Variants in PDE10A observed in about 807,000 individuals in gnomAD.
The protein encoded by PDE10A is cAMP and cAMP-inhibited cGMP 3',5'-cyclic phosphodiesterase 10A.
PDE10A carries 39 observed loss-of-function variants against 97.7 expected under a neutral mutation model. The observed-to-expected ratio is 0.40, with a 90% CI of 0.31 to 0.52. PDE10A has a LOEUF of 0.52. PDE10A is among the 20% of genes least tolerant of loss of function. The probability of loss-of-function intolerance (pLI) is 0.56; values close to 1 mark genes in which losing one functional copy is unlikely to be tolerated. For missense variants in PDE10A, 731 were observed against 1,047.8 expected (o/e 0.70, Z 4.17); for synonymous variants, 371 against 376.8 (o/e 0.98, Z 0.18).
intron 1 of PDE10A, among the ~76,000 whole-genome samples, chr6:165,734,052 A>G (rs968500182): frequency 2.6e-5 from 4 of 152,150 alleles, no homozygotes; most frequent in Admixed American, 6.5e-5. Flanking sequence ...TGGAACCAGG[A>G]CTCCAGAAGG....
At chr6:165,387,260 G>A (rs1163593565) in intron 17 of PDE10A, among the ~76,000 whole-genome samples, 6 of 152,260 alleles carry the variant, frequency 3.9e-5, no homozygotes, top group East Asian at 3.9e-4. Flanking sequence ...AAGATAATTC[G>A]AAGAGCACCC....
In PDE10A at chr6:165,875,731, G is replaced by GTTTTTTTTTT. The variant is rs748111095; in HGVS notation, c.-615+111788_-615+111797dup. Among the ~76,000 whole-genome samples, 87 of 46,862 alleles carry GTTTTTTTTTT rather than the reference G, an allele frequency of 1.9e-3. 2 individuals carry two copies. The highest frequency in any genetic ancestry group is 6.3e-3 in the African/African-American group (81 of 12,764). 30.7% of individuals were successfully genotyped at this position (46,862 alleles called of 152,430 possible). On this transcript the variant is annotated intron_variant, in intron 1 of 19. Coordinates refer to the PDE10A transcript ENST00000366882. ...CTGATAGGACTTATTTTCTTTTACT[G>GTTTTTTTTTT]TTTTTTTTTTTTTTTTGTGTGTGTG...
rs1000699476 is a variant in PDE10A, at chr6:165,327,637, T to C, written c.*5388A>G. On this transcript the variant is annotated 3_prime_UTR_variant, in exon 22 of 22. Transcript: ENST00000539869. ...AAATTACACACATGTACAATATTTA[T>C]AATTTATAAATGCAAAGTTAAGACC... The C allele has an allele frequency of 6.6e-6, 1 of 152,250 alleles. No homozygotes were observed. The highest frequency in any genetic ancestry group is 2.4e-5 in the African/African-American group (1 of 41,480). 9.4% of individuals were successfully genotyped at this position (152,250 alleles called of 1,614,324 possible). A position where few individuals can be genotyped will look rare whatever the true frequency, so the allele number is the denominator to read the frequency against.
At position 165,942,301 on chromosome 6, in the gene PDE10A, T is replaced by TAC. The variant is rs1362752879; in HGVS notation, c.-615+45227_-615+45228insGT. Reference sequence around the variant, plus strand: ...GTATGTATGTGTGTGTATATATATATATACACACACATATATGCGCACACA... The same window carrying TAC: ...GTATGTATGTGTGTGTATATATATATACATACACACACATATATGCGCACACA... On this transcript the variant is annotated intron_variant, in intron 1 of 19. Transcript: ENST00000366882. Among the ~76,000 whole-genome samples the TAC allele has an allele frequency of 1.4e-3, 173 of 123,130 alleles. 2 individuals carry two copies. The highest frequency in any genetic ancestry group is 5.8e-3 in the African/African-American group (156 of 26,856). 80.8% of individuals were successfully genotyped at this position (123,130 alleles called of 152,430 possible). A position where few individuals can be genotyped will look rare whatever the true frequency, so the allele number is the denominator to read the frequency against.
At chr6:165,625,024 T>C (rs1448841261) in intron 1 of PDE10A, among the ~76,000 whole-genome samples, 1 of 152,022 alleles carries the variant, frequency 6.6e-6, no homozygotes, top group Non-Finnish European at 1.5e-5. Flanking sequence ...CAAGGGGAAG[T>C]GTGTTTGGTG....
chr6:165,782,177 G>T (rs77507717), intron 1 of PDE10A, among the ~76,000 whole-genome samples: 6,013 of 152,274 alleles, frequency 0.039, 386 homozygotes, highest in African/African-American at 0.14. Flanking sequence ...CACAAAGTTA[G>T]CGTGTAGCTC....
At chr6:165,787,292 C>T (rs1583088737) in intron 1 of PDE10A, among the ~76,000 whole-genome samples, 1 of 152,198 alleles carries the variant, frequency 6.6e-6, no homozygotes, top group East Asian at 1.9e-4. Context: ...ATAGTGAATG[C>T]TTTACAAGAA....
chr6:165,343,636 C>T, intron 18 of PDE10A, 134 bp from the exon 19 acceptor site: 2 of 658,152 alleles, frequency 3.0e-6, no homozygotes. Flanking sequence ...AAGTGACAGC[C>T]AGGACAGTAA....
intron 1 of PDE10A, among the ~76,000 whole-genome samples, chr6:165,956,443 C>G (rs1372072692): frequency 6.6e-6 from 1 of 152,116 alleles, no homozygotes; most frequent in Non-Finnish European, 1.5e-5. Context: ...TTACTAGTAT[C>G]TCTAAAAACT....
intron 1 of PDE10A, among the ~76,000 whole-genome samples, chr6:165,863,418 G>T (rs1780959118): frequency 6.6e-6 from 1 of 152,166 alleles, no homozygotes; most frequent in South Asian, 2.1e-4. Context: ...TCACTAGAAA[G>T]AAGCATTCAA....
At chr6:165,487,414 T>C (rs1779984043) in intron 2 of PDE10A, among the ~76,000 whole-genome samples, 1 of 152,198 alleles carries the variant, frequency 6.6e-6, no homozygotes, top group Admixed American at 6.5e-5. Context: ...CCACTAATTC[T>C]ACATCATGGT....
At chr6:165,467,810 A>G (rs1223516401) in intron 3 of PDE10A, among the ~76,000 whole-genome samples, 1 of 152,210 alleles carries the variant, frequency 6.6e-6, no homozygotes, top group Non-Finnish European at 1.5e-5. Flanking sequence ...ATGAACCCCA[A>G]TGTTCTACTG....
intron 1 of PDE10A, among the ~76,000 whole-genome samples, chr6:165,595,221 T>C (rs1408592512): frequency 6.6e-6 from 1 of 152,166 alleles, no homozygotes; most frequent in Admixed American, 6.5e-5. Context: ...CATCCTTTGC[T>C]AGCCTACTTG....
chr6:165,781,708 G>C (rs1200492988), intron 1 of PDE10A: 1 of 152,480 alleles, frequency 6.6e-6, no homozygotes, highest in Non-Finnish European at 1.5e-5. Context: ...GTCTACAGTA[G>C]AGGAAGTTCA....
chr6:165,828,110 G>A (rs1161384312), intron 1 of PDE10A, among the ~76,000 whole-genome samples: 2 of 152,178 alleles, frequency 1.3e-5, no homozygotes, highest in Non-Finnish European at 2.9e-5. Flanking sequence ...ATCAAAATGA[G>A]TACCAAGACG....
Position 165,543,480 on chromosome 6 carries a change from T to C in PDE10A, c.954A>G (p.Thr318=). ...EFVSESVSAE[T]VEKWLKRKNN... ...TCTTCCTCTTCAGCCATTTCTCTAC[T>C]GTCTCTGCACTAACACTTTCAGATA... is the stretch of plus-strand genomic sequence containing the variant. Residue 318 remains threonine, a synonymous_variant, in exon 2 of 22, where the codon ACA becomes ACG. Transcript: ENST00000539869. 3.1e-6 allele frequency: 5 copies of C among 1,613,206 alleles called. No homozygotes were observed. The highest frequency in any genetic ancestry group is 4.2e-6 in the Non-Finnish European group (5 of 1,179,504).
chr6:165,603,203 T>C (rs981181318), intron 1 of PDE10A, among the ~76,000 whole-genome samples: 1 of 152,204 alleles, frequency 6.6e-6, no homozygotes, highest in African/African-American at 2.4e-5. Flanking sequence ...ATAGGGGCCA[T>C]GAAGCTCCTC....
intron 1 of PDE10A, among the ~76,000 whole-genome samples, chr6:165,626,341 T>C (rs1211267102): frequency 6.6e-6 from 1 of 152,214 alleles, no homozygotes; most frequent in African/African-American, 2.4e-5. Context: ...CATTCTCTTA[T>C]GTTTCAACAT....
chr6:165,561,878 T>A (rs1010469060), intron 1 of PDE10A, among the ~76,000 whole-genome samples: 1 of 152,238 alleles, frequency 6.6e-6, no homozygotes, highest in African/African-American at 2.4e-5. Context: ...AATTTTAGCA[T>A]TATTATTTTT....
Sources: gnomAD v4.1 joint callset for allele counts (sites outside exome capture counted in the v4.1 genomes callset) on GRCh38, gnomAD v4.1.1 for gene constraint, MANE v1.5 for transcripts, NCBI Gene and HGNC (gene_info 2026-07-23, HGNC 2026-07-21) for gene names.